Variants in TET3 observed in about 807,000 individuals in gnomAD.
TET3 encodes tet methylcytosine dioxygenase 3.
In TET3, 19 loss-of-function variants were observed where a neutral mutation model predicts 141.4. That is an observed-to-expected ratio of 0.13 (90% confidence interval 0.09 to 0.20). TET3 has a LOEUF of 0.20. Among genes scored for constraint, TET3 ranks in the 10% least tolerant of loss-of-function variants. TET3 has a pLI of 1.00. For synonymous variants in TET3, 1,043 were observed against 980.9 expected (o/e 1.06, Z -1.18); for missense variants, 1,874 against 2,356.9 (o/e 0.80, Z 4.24).
At chr2:74,035,091 A>G (rs1373456131) in intron 3 of TET3, among the ~76,000 whole-genome samples, 1 of 150,212 alleles carries the variant, frequency 6.7e-6, no homozygotes, top group Non-Finnish European at 1.5e-5. Context: ...AGTCCCAGCT[A>G]TTCGGGAGGC....
chr2:74,048,130 A>G lies in TET3; in HGVS notation c.2213A>G (p.Gln738Arg), dbSNP rs372769543. Residue 738 changes from glutamine (Q) to arginine (R), a missense_variant, in exon 4 of 12, where the codon CAG (glutamine) becomes CGG (arginine). By Grantham distance (43) the Gln-to-Arg change is conservative. This residue lies in a region of TET3 where 484 missense variants were observed against 462.2 expected (regional missense o/e 1.05). Transcript: ENST00000409262. ...PSVPIQDPEN[Q>R]QTCLPAPESP... ...GTGCCCATTCAGGACCCCGAGAACC[A>G]GCAAACATGTCTCCCAGCCCCTGAG... is the stretch of plus-strand genomic sequence containing the variant. The G allele has an allele frequency of 3.1e-6, 5 of 1,613,038 alleles. No individual in the cohort carries two copies. The African/African-American group carries it at 6.7e-5, about 22-fold the overall frequency.
At position 74,046,842 on chromosome 2, in the gene TET3, C is replaced by G; in HGVS notation, c.925C>G (p.Pro309Ala). ...EERPRLPGPL[P>A]PGEAGLPAPS... The stretch of plus-strand genomic sequence containing the variant: ...GCGGCCCAGGCTCCCAGGGCCTCTG[C>G]CTCCTGGTGAGGCCGGCCTCCCAGC... The change falls in exon 4 of 12, where the codon CCT (proline) becomes GCT (alanine). Residue 309 changes from proline to alanine, a missense_variant. Pro to Ala is a conservative substitution (Grantham distance 27). Coordinates refer to ENST00000409262, the MANE Select transcript of TET3 (RefSeq NM_001287491.2). The surrounding 1 kb of genome is among the most constrained non-coding windows in gnomAD (Gnocchi z 4.3). The G allele has an allele frequency of 6.2e-7, 1 of 1,613,398 alleles. No homozygotes were observed. Among genetic ancestry groups the G allele is most frequent in the Non-Finnish European group, 8.5e-7 (1 of 1,179,870 alleles).
chr2:74,029,033 G>A (rs1295520300), intron 3 of TET3, among the ~76,000 whole-genome samples: 2 of 152,130 alleles, frequency 1.3e-5, no homozygotes, highest in Admixed American at 1.3e-4. Flanking sequence ...GGCCTTAGGG[G>A]GTCTCATGAT....
intron 3 of TET3, among the ~76,000 whole-genome samples, chr2:74,006,948 C>T (rs1040057422): frequency 6.6e-6 from 1 of 152,214 alleles, no homozygotes; most frequent in Non-Finnish European, 1.5e-5. Context: ...AGTGTATTCT[C>T]TAGGACTATT....
At chr2:74,117,766 A>G in the TET3 span, among the ~76,000 whole-genome samples, 35,409 of 151,864 alleles carry the variant, frequency 0.23, 4,517 homozygotes, top group East Asian at 0.37. Context: ...ATTTTTTTAT[A>G]ACGGAGTCAT....
intron 8 of TET3, among the ~76,000 whole-genome samples, chr2:74,091,401 C>T (rs1258571997): frequency 1.3e-5 from 2 of 152,242 alleles, no homozygotes; most frequent in East Asian, 3.8e-4. Flanking sequence ...ATTTCACGAC[C>T]CCTCCATCCC....
At chr2:74,027,387 A>G (rs536986184) in intron 3 of TET3, among the ~76,000 whole-genome samples, 32 of 149,934 alleles carry the variant, frequency 2.1e-4, no homozygotes, top group Non-Finnish European at 4.1e-4. Flanking sequence ...TAAATCATAT[A>G]CAGTTCACCC....
chr2:74,080,517 G>A lies in TET3; in HGVS notation c.2605G>A (p.Ala869Thr). The change falls in exon 6 of 12, where the codon GCC becomes ACC. Residue 869 changes from alanine (A) to threonine (T), a missense_variant. Physicochemically the swap from Ala to Thr is moderately conservative, Grantham distance 58. This residue lies in a region of TET3 where 126 missense variants were observed against 327.4 expected (regional missense o/e 0.38). Transcript: ENST00000409262. ...MEERYGEKGKAIRIEKVIYTG... is the reference protein window; with the variant it reads ...MEERYGEKGKTIRIEKVIYTG... ...CTTCAGGTATGGAGAGAAGGGGAAA[G>A]CCATCCGGATCGAGAAGGTCATCTA... 6.2e-7 allele frequency: 1 copy of A among 1,613,326 alleles called. No individual in the cohort carries two copies.
rs1188302053 is a variant in TET3, at chr2:74,099,457, G to A, written c.3449G>A (p.Arg1150Gln). Reference sequence around the variant, plus strand: ...CTCACCGCCTTCCCCCGCGAGGTCCGACGCCTGCCCGAGCCTGCCAAGTCC... The same window carrying A: ...CTCACCGCCTTCCCCCGCGAGGTCCAACGCCTGCCCGAGCCTGCCAAGTCC... ...QVLTAFPREV[R>Q]RLPEPAKSCR... Residue 1150 changes from arginine to glutamine, a missense_variant, in exon 11 of 12, where the codon CGA becomes CAA. This residue lies in a region of TET3 where 53 missense variants were observed against 112.8 expected (regional missense o/e 0.47). Coordinates refer to ENST00000409262, the MANE Select transcript of TET3 (RefSeq NM_001287491.2). 2 of 1,613,700 alleles carry A rather than the reference G, an allele frequency of 1.2e-6. No individual in the cohort carries two copies. The highest frequency in any genetic ancestry group is 1.1e-5 in the South Asian group (1 of 91,066).
At chr2:74,088,133 G>A (rs1037688549) in intron 7 of TET3, 95 bp downstream of exon 7, 78 of 1,288,928 alleles carry the variant, frequency 6.1e-5, no homozygotes, top group Non-Finnish European at 7.7e-5. Context: ...AGGCTCCTAG[G>A]GGCCCTCTCT....
the TET3 span, among the ~76,000 whole-genome samples, chr2:74,119,073 T>C: frequency 1.3e-5 from 2 of 152,258 alleles, no homozygotes; most frequent in Admixed American, 6.5e-5. Flanking sequence ...TGCCAACTTT[T>C]GGCTGGGTGC....
Position 74,038,438 on chromosome 2 carries a change from A to C in TET3, c.361-7840A>C. Among the ~76,000 whole-genome samples, 2 of 152,164 alleles carry C rather than the reference A, an allele frequency of 1.3e-5. 1 individual carries two copies. Among genetic ancestry groups the C allele is most frequent in the East Asian group, 3.9e-4 (2 of 5,186 alleles). On this transcript the variant is annotated intron_variant, in intron 3 of 11. Transcript: ENST00000409262. ...CAGTGATATTGTGAAGCAGGGAAGA[A>C]ACCTGATGGGGTTGGGTGTGAGGAC...
intron 10 of TET3, among the ~76,000 whole-genome samples, chr2:74,098,259 A>G (rs1484435315): frequency 6.6e-6 from 1 of 152,250 alleles, no homozygotes; most frequent in Admixed American, 6.5e-5. Context: ...TATGGTATAA[A>G]AAAATTGGAA....
chr2:73,989,788 ATGAC>A (rs921224517), intron 2 of TET3, among the ~76,000 whole-genome samples: 5 of 152,068 alleles, frequency 3.3e-5, no homozygotes, highest in Admixed American at 6.5e-5. Context: ...TACAATGAAG[ATGAC>A]TGAGTAGAAA....
chr2:74,066,748 T>C (rs1688926360), intron 4 of TET3, among the ~76,000 whole-genome samples: 1 of 152,208 alleles, frequency 6.6e-6, no homozygotes. Context: ...TGGTTTTAGA[T>C]CTTCGTATCT....
intron 5 of TET3, among the ~76,000 whole-genome samples, chr2:74,076,115 A>G (rs1573863169): frequency 6.6e-6 from 1 of 152,182 alleles, no homozygotes; most frequent in Non-Finnish European, 1.5e-5. Context: ...TGAAACAAGG[A>G]TCAAGAGATC....
At chr2:74,058,614 C>T (rs1426755301) in intron 4 of TET3, among the ~76,000 whole-genome samples, 1 of 151,130 alleles carries the variant, frequency 6.6e-6, no homozygotes, top group African/African-American at 2.4e-5. Context: ...AAAGCACTTT[C>T]AAAAAACATT....
chr2:74,026,419 C>T (rs1012532519), intron 3 of TET3, among the ~76,000 whole-genome samples: 3 of 152,158 alleles, frequency 2.0e-5, no homozygotes, highest in African/African-American at 7.2e-5. Flanking sequence ...AATCCCCAGT[C>T]AGAGGTGTGT....
At chr2:74,123,373 C>T in the TET3 span, among the ~76,000 whole-genome samples, 2 of 152,228 alleles carry the variant, frequency 1.3e-5, no homozygotes, top group African/African-American at 4.8e-5. Flanking sequence ...AATCCCAGCA[C>T]TTTGGGAGGC....
Sources: allele counts gnomAD v4.1 joint callset (sites outside exome capture counted in the v4.1 genomes callset), GRCh38; gene constraint gnomAD v4.1.1; regional missense constraint gnomAD v4.1.1; non-coding constraint Gnocchi (gnomAD v3.1); transcripts MANE v1.5; gene names NCBI Gene and HGNC (gene_info 2026-07-23, HGNC 2026-07-21).